The following MORN5 variants were observed in gnomAD, a reference collection of about 807,000 sequenced individuals.
MORN5 encodes MORN repeat containing 5.
MORN5 carries 21 observed loss-of-function variants against 22.1 expected under a neutral mutation model. The observed-to-expected ratio is 0.95, with a 90% CI of 0.67 to 1.37. The LOEUF (loss-of-function observed/expected upper bound fraction) is 1.37. Among genes scored for constraint, MORN5 ranks in the 40% most tolerant of loss-of-function variants. The pLI is 0.00. For synonymous variants in MORN5, 73 were observed against 74.0 expected, an observed-to-expected ratio of 0.99 and a Z score of 0.07; for missense variants, 211 against 215.1, an observed-to-expected ratio of 0.98 and a Z score of 0.12.
intron 4 of MORN5, among the ~76,000 whole-genome samples, chr9:122,192,186 G>A (rs1588316148): frequency 6.6e-6 from 1 of 152,356 alleles, no homozygotes; most frequent in East Asian, 1.9e-4. Flanking sequence ...ACTCCTTCTA[G>A]TCTTTGCTGT....
At chr9:122,191,807 T>C (rs1829774852) in intron 4 of MORN5, among the ~76,000 whole-genome samples, 1 of 152,238 alleles carries the variant, frequency 6.6e-6, no homozygotes, top group African/African-American at 2.4e-5. Context: ...AATTATTAGC[T>C]GAGCTGTGGC....
At chr9:122,171,774 G>C (rs1484807300) in intron 3 of MORN5, among the ~76,000 whole-genome samples, 1 of 151,778 alleles carries the variant, frequency 6.6e-6, no homozygotes, top group African/African-American at 2.4e-5. Context: ...GACTTTATTT[G>C]TTTATTCAAC....
rs115659409 is a variant in MORN5 at position 122,175,457 on chromosome 9, C to A, written c.439+830C>A. On this transcript the variant is annotated intron_variant, in intron 4 of 4. Transcript: ENST00000373764. ...ACCAAACTCACAGGAGATCAATACA[C>A]AAATAATAGAACATTTTCCTTTAAT... The A allele has an allele frequency of 2.2e-3, 2,162 of 985,168 alleles. 24 individuals carry two copies. The African/African-American group carries it at 0.031, about 14-fold the overall frequency. 61.0% of individuals were successfully genotyped at this position (985,168 alleles called of 1,614,324 possible).
chr9:122,184,191 T>G (rs1195704793), intron 4 of MORN5, among the ~76,000 whole-genome samples: 1 of 152,162 alleles, frequency 6.6e-6, no homozygotes, highest in Non-Finnish European at 1.5e-5. Flanking sequence ...GTTAAGGAAT[T>G]TCCCCAGGAA....
rs138119323 is a variant in MORN5, at chr9:122,178,047, G to T, written c.439+3420G>T. Among the ~76,000 whole-genome samples the T allele has an allele frequency of 6.2e-3, 943 of 152,288 alleles. 37 individuals are homozygous for T. Among genetic ancestry groups the T allele is most frequent in the Admixed American group, 0.055 (838 of 15,298 alleles). ...AACAAGGATAAAAGAGGAAACAAAA[G>T]AAAAAATTAGTTAATAAAAACAAAT... On this transcript the variant is annotated intron_variant, in intron 4 of 4. Coordinates refer to ENST00000373764, the MANE Select transcript of MORN5 (RefSeq NM_198469.4).
At chr9:122,193,389 A>T (rs2118786716) in intron 4 of MORN5, among the ~76,000 whole-genome samples, 1 of 152,332 alleles carries the variant, frequency 6.6e-6, no homozygotes, top group East Asian at 1.9e-4. Flanking sequence ...GATCGAGAAC[A>T]TCCTGGCCAA....
rs75195145 is a variant in MORN5 at position 122,185,750 on chromosome 9, C to A, written c.439+11123C>A. On this transcript the variant is annotated intron_variant, in intron 4 of 4. Transcript: ENST00000373764. ...CCCTGACAGATGAGAAATCTGAGAC[C>A]CAGAGAGGGCAAATCACATGTCCAA... Among the ~76,000 whole-genome samples the A allele has an allele frequency of 3.8e-3, 577 of 152,244 alleles. 14 individuals carry two copies. The East Asian group carries it at 0.071, about 19-fold the overall frequency.
intron 4 of MORN5, among the ~76,000 whole-genome samples, chr9:122,187,442 C>G (rs376224155): frequency 5.3e-5 from 8 of 152,324 alleles, no homozygotes; most frequent in South Asian, 2.1e-4. Flanking sequence ...CTAAGCTCCC[C>G]CTAGACACAG....
intron 4 of MORN5, 191 bp downstream of exon 4, chr9:122,174,818 G>T: frequency 7.0e-7 from 1 of 1,436,374 alleles, no homozygotes; most frequent in Non-Finnish European, 9.1e-7. Context: ...GTCCTAGAGT[G>T]AGGTAAAAGC....
intron 4 of MORN5, chr9:122,175,476 C>G: frequency 1.0e-6 from 1 of 985,378 alleles, no homozygotes; most frequent in South Asian, 4.7e-5. Context: ...GAACATTTTC[C>G]TTTAATGCAG....
chr9:122,196,527 T>A lies in MORN5; in HGVS notation c.440-3358T>A, dbSNP rs141353692. ...TTTTGTATTTTTGTAGAGACAGGGTTTCACCATGTTGGCCAGGATGGCCTT... is the reference window on the plus strand; with the variant it reads ...TTTTGTATTTTTGTAGAGACAGGGTATCACCATGTTGGCCAGGATGGCCTT... On this transcript the variant is annotated intron_variant, in intron 4 of 4. Coordinates refer to ENST00000373764, the MANE Select transcript of MORN5 (RefSeq NM_198469.4). Among the ~76,000 whole-genome samples the A allele has an allele frequency of 6.0e-3, 920 of 152,152 alleles. 14 individuals are homozygous for A. The highest frequency in any genetic ancestry group is 0.021 in the African/African-American group (882 of 41,504).
At chr9:122,167,753 C>T (rs1829308868) in intron 2 of MORN5, among the ~76,000 whole-genome samples, 1 of 152,210 alleles carries the variant, frequency 6.6e-6, no homozygotes, top group Non-Finnish European at 1.5e-5. Context: ...GAAATCAGCA[C>T]AAATGTATTA....
At chr9:122,163,944 T>C (rs918153159) in intron 1 of MORN5, among the ~76,000 whole-genome samples, 1 of 152,210 alleles carries the variant, frequency 6.6e-6, no homozygotes, top group Admixed American at 6.5e-5. Flanking sequence ...AGTGCAGTGG[T>C]GCAGTCTTGG....
intron 4 of MORN5, among the ~76,000 whole-genome samples, chr9:122,199,533 C>G (rs745329650): frequency 3.9e-5 from 6 of 152,150 alleles, no homozygotes; most frequent in Non-Finnish European, 7.4e-5. Context: ...AAGGCCTAGA[C>G]CCACTGTCCT....
chr9:122,191,865 C>T (rs1326064009), intron 4 of MORN5, among the ~76,000 whole-genome samples: 4 of 152,254 alleles, frequency 2.6e-5, no homozygotes, highest in Admixed American at 1.3e-4. Context: ...CCTCCTCCCG[C>T]AGGCTCCCCC....
intron 1 of MORN5, among the ~76,000 whole-genome samples, chr9:122,162,360 G>T (rs1334588812): frequency 6.6e-6 from 1 of 152,120 alleles, no homozygotes; most frequent in African/African-American, 2.4e-5. Context: ...TTAACGTTTG[G>T]TTTAAAAAGT....
At chr9:122,198,114 C>T (rs1290236779) in intron 4 of MORN5, among the ~76,000 whole-genome samples, 7 of 152,170 alleles carry the variant, frequency 4.6e-5, no homozygotes, top group Admixed American at 6.5e-5. Flanking sequence ...AATCCACTGG[C>T]GATGGACTTA....
intron 1 of MORN5, 131 bp from the exon 2 acceptor site, chr9:122,166,637 T>G (rs865794972): frequency 2.8e-5 from 23 of 836,262 alleles, no homozygotes; most frequent in Middle Eastern, 7.3e-4. Flanking sequence ...AAAATTTTGT[T>G]TTCAGCAGAG....
At chr9:122,161,815 G>A (rs1829204497) in intron 1 of MORN5, among the ~76,000 whole-genome samples, 1 of 152,194 alleles carries the variant, frequency 6.6e-6, no homozygotes, top group Non-Finnish European at 1.5e-5. Context: ...TTTTCATTGG[G>A]TTTGTGTGCT....
Sources: allele counts gnomAD v4.1 joint callset (sites outside exome capture counted in the v4.1 genomes callset), GRCh38; gene constraint gnomAD v4.1.1; transcripts MANE v1.5; gene names NCBI Gene and HGNC (gene_info 2026-07-23, HGNC 2026-07-21).